Variants in WBP2NL observed in about 807,000 individuals in gnomAD.
The protein encoded by WBP2NL is postacrosomal sheath WW domain-binding protein.
WBP2NL carries 27 observed loss-of-function variants against 23.3 expected under a neutral mutation model. The observed-to-expected ratio is 1.16, with a 90% confidence interval of 0.85 to 1.60. The LOEUF is 1.60. WBP2NL is among the 40% of genes most tolerant of loss of function. The pLI is 0.00. For missense variants in WBP2NL, 370 were observed against 389.5 expected (o/e 0.95, Z 0.42); for synonymous variants, 151 against 145.9 (o/e 1.03, Z -0.25).
At chr22:42,020,908 A>ATAT (rs1923908492) in intron 4 of WBP2NL, among the ~76,000 whole-genome samples, 1 of 11,230 alleles carries the variant, frequency 8.9e-5, no homozygotes, top group Non-Finnish European at 1.4e-4. Context: ...ATATATATAT[A>ATAT]TTTTTTTTTT....
intron 8 of WBP2NL, among the ~76,000 whole-genome samples, chr22:42,048,027 G>T (rs1483635213): frequency 6.6e-6 from 1 of 152,090 alleles, no homozygotes; most frequent in Non-Finnish European, 1.5e-5. Flanking sequence ...CGGAATCCAA[G>T]AATATATTAA....
chr22:42,001,629 C>A (rs1365229540), intron 1 of WBP2NL: 2 of 1,138,408 alleles, frequency 1.8e-6, no homozygotes. Flanking sequence ...AGATTCCCTG[C>A]AAAGTAGCGC....
downstream of WBP2NL, chr22:42,030,073 A>G (rs1016277540): frequency 2.0e-5 from 3 of 152,254 alleles, no homozygotes; most frequent in East Asian, 1.9e-4. Context: ...TGGGTTAAAT[A>G]TAATTGAAAA....
At chr22:42,021,602 C>T (rs1314158358) in intron 4 of WBP2NL, among the ~76,000 whole-genome samples, 1 of 152,130 alleles carries the variant, frequency 6.6e-6, no homozygotes, top group Non-Finnish European at 1.5e-5. Flanking sequence ...ACCACACTTC[C>T]TCACATTGGT....
intron 8 of WBP2NL, among the ~76,000 whole-genome samples, chr22:42,055,158 A>G (rs968715041): frequency 2.6e-5 from 4 of 151,720 alleles, no homozygotes; most frequent in Admixed American, 1.3e-4. Context: ...TCCTGCATCA[A>G]CAGGCACCCA....
Position 42,039,924 on chromosome 22 carries a change from T to C in WBP2NL, c.*273+9101T>C, listed in dbSNP as rs74506620. Among the ~76,000 whole-genome samples the C allele has an allele frequency of 7.3e-5, 11 of 150,240 alleles. No individual in the cohort carries two copies. The East Asian group carries it at 7.8e-4, about 11-fold the overall frequency. On this transcript the variant is annotated intron_variant and NMD_transcript_variant, in intron 8 of 8. Coordinates refer to the WBP2NL transcript ENST00000436265. ...TACAGTTAGGTTTTTTTTTTTTTTT[T>C]CCTCGAGATGAAGTCTTGTTTTGTT...
intron 4 of WBP2NL, among the ~76,000 whole-genome samples, chr22:42,020,908 A>ATATATATTTT (rs1923908492): frequency 1.8e-4 from 2 of 11,230 alleles, no homozygotes; most frequent in Admixed American, 1.8e-3. Flanking sequence ...ATATATATAT[A>ATATATATTTT]TTTTTTTTTT....
In WBP2NL at chr22:42,027,526, C is replaced by T. The variant is rs1235643851; in HGVS notation, c.*345C>T. 6.7e-6 allele frequency: 2 copies of T among 300,020 alleles called. No individual in the cohort carries two copies. Among genetic ancestry groups the T allele is most frequent in the African/African-American group, 4.3e-5 (2 of 46,628 alleles). The allele number at this position is 300,020 out of a possible 1,614,324, so 18.6% of individuals were successfully genotyped here. ...CCTCATTCAAGAAACATTTATTATG[C>T]TCCGTTTGCTAGGCACTAAGATGCG... On this transcript the variant is annotated 3_prime_UTR_variant, in exon 6 of 6. Transcript: ENST00000328823.
intron 8 of WBP2NL, among the ~76,000 whole-genome samples, chr22:42,049,432 T>C (rs751761717): frequency 8.5e-5 from 13 of 152,320 alleles, no homozygotes; most frequent in Non-Finnish European, 1.5e-4. Flanking sequence ...GGCTCATTCC[T>C]GTAATCCTAG....
chr22:42,035,261 C>T (rs6002581), downstream of WBP2NL, among the ~76,000 whole-genome samples: 61 of 152,400 alleles, frequency 4.0e-4, no homozygotes, highest in African/African-American at 1.4e-3. Flanking sequence ...CCCTGACTTC[C>T]CGCAACAAGG....
At chr22:42,019,584 G>T (rs1215161304) in intron 2 of WBP2NL, 78 bp from the exon 3 acceptor site, 3 of 1,588,594 alleles carry the variant, frequency 1.9e-6, no homozygotes, top group Non-Finnish European at 1.7e-6. Flanking sequence ...AGTTAGACCA[G>T]AATGCACCTT....
intron 4 of WBP2NL, among the ~76,000 whole-genome samples, chr22:42,020,901 TATATA>T (rs1569450098): frequency 5.8e-4 from 33 of 56,500 alleles, no homozygotes; most frequent in African/African-American, 9.4e-4. Flanking sequence ...TATATATATA[TATATA>T]TATTTTTTTT....
At chr22:42,018,718 A>C (rs1345273812) in intron 1 of WBP2NL, among the ~76,000 whole-genome samples, 2 of 152,116 alleles carry the variant, frequency 1.3e-5, no homozygotes, top group Non-Finnish European at 2.9e-5. Context: ...CCGCACAAGA[A>C]GTATAAGAAT....
intron 1 of WBP2NL, among the ~76,000 whole-genome samples, chr22:42,003,682 T>C (rs129857): frequency 0.43 from 65,123 of 152,028 alleles, 15,072 homozygotes; most frequent in East Asian, 0.85. Context: ...ATGGAAAATA[T>C]GGGTTGCGAA....
intron 5 of WBP2NL, 36 bp from the exon 6 acceptor site, chr22:42,026,730 G>C (rs747642581): frequency 6.3e-7 from 1 of 1,598,110 alleles, no homozygotes; most frequent in Non-Finnish European, 8.5e-7. Context: ...TGACTTAAAG[G>C]TAACTGAATT....
chr22:42,044,874 T>C (rs1309150362), intron 8 of WBP2NL, among the ~76,000 whole-genome samples: 1 of 152,100 alleles, frequency 6.6e-6, no homozygotes, highest in African/African-American at 2.4e-5. Context: ...GTGCAGTGGC[T>C]TAATCATAGC....
rs746671406 is a variant in WBP2NL, at chr22:42,022,300, G to T, written c.458G>T (p.Gly153Val). ...RTLNDWFSSM[G>V]IYVITGEGNM... ...TTAAATGACTGGTTCAGCTCTATGG[G>T]AATTTATGTAATTACTGGGGAAGGG... Residue 153 changes from glycine (G) to valine (V), a missense_variant, in exon 5 of 6, where the codon GGA becomes GTA. By Grantham distance (109) the Gly-to-Val change is moderately radical (BLOSUM62 -3). Transcript: ENST00000328823. 5 of 1,614,028 alleles carry T rather than the reference G, an allele frequency of 3.1e-6. No homozygotes were observed. The African/African-American group carries it at 6.7e-5, about 22-fold the overall frequency.
intron 1 of WBP2NL, among the ~76,000 whole-genome samples, chr22:42,012,000 C>T (rs188844282): frequency 6.6e-6 from 1 of 152,010 alleles, no homozygotes; most frequent in Non-Finnish European, 1.5e-5. Context: ...TGGTCTCAAA[C>T]TCCTGGCCTC....
intron 1 of WBP2NL, among the ~76,000 whole-genome samples, chr22:42,010,570 G>A (rs983883620): frequency 1.8e-4 from 27 of 151,180 alleles, no homozygotes; most frequent in Non-Finnish European, 3.1e-4. Flanking sequence ...ACGGAGTCTC[G>A]CTCTGTTGCC....
Sources: gnomAD v4.1 joint callset for allele counts (sites outside exome capture counted in the v4.1 genomes callset) on GRCh38, gnomAD v4.1.1 for gene constraint, MANE v1.5 for transcripts, NCBI Gene and HGNC (gene_info 2026-07-23, HGNC 2026-07-21) for gene names.